Variants in GRXCR2 observed in about 807,000 individuals in gnomAD.
GRXCR2 encodes the protein glutaredoxin and cysteine rich domain containing 2.
GRXCR2 carries 23 observed loss-of-function variants against 24.8 expected under a neutral mutation model. That is an observed-to-expected ratio of 0.93 (90% CI 0.67 to 1.32). The LOEUF (loss-of-function observed/expected upper bound fraction) is 1.32. GRXCR2 is among the 40% of genes most tolerant of loss of function. The probability of loss-of-function intolerance (pLI) is 0.00; values close to 1 mark genes in which losing one functional copy is unlikely to be tolerated. For synonymous variants in GRXCR2, 130 were observed against 116.1 expected, an observed-to-expected ratio of 1.12 and a Z score of -0.77; for missense variants, 315 against 303.4, an observed-to-expected ratio of 1.04 and a Z score of -0.28.
chr5:145,918,449 T>C (rs1207866459), intron 2 of GRXCR2, among the ~76,000 whole-genome samples: 1 of 152,148 alleles, frequency 6.6e-6, no homozygotes, highest in Non-Finnish European at 1.5e-5. Context: ...TACTCTTTCC[T>C]CTTAAAAGTA....
intron 2 of GRXCR2, among the ~76,000 whole-genome samples, chr5:145,923,461 C>A (rs79956300): frequency 6.6e-6 from 1 of 152,102 alleles, no homozygotes; most frequent in Admixed American, 6.5e-5. Flanking sequence ...CATGGAGCTC[C>A]CAGCTTTGGA....
At chr5:145,909,530 C>G (rs906594592) in intron 2 of GRXCR2, among the ~76,000 whole-genome samples, 2 of 152,192 alleles carry the variant, frequency 1.3e-5, no homozygotes, top group Admixed American at 6.5e-5. Flanking sequence ...TCTATTGCCC[C>G]CCTCAGTGTA....
chr5:145,923,214 C>T lies in GRXCR2; in HGVS notation c.-70+12487G>A, dbSNP rs1021301412. ...TTCCAGGTACACTGATATGGTGGTC[C>T]GGGACTACACTTGAGAACTGTCTAC... On this transcript the variant is annotated intron_variant, in intron 2 of 3. Coordinates refer to the GRXCR2 transcript ENST00000639411. 3.9e-5 allele frequency among the ~76,000 whole-genome samples: 6 copies of T among 152,018 alleles called. No individual in the cohort carries two copies. The South Asian group carries it at 6.2e-4, about 16-fold the overall frequency.
At chr5:145,869,847 G>A (rs182504145) in intron 1 of GRXCR2, among the ~76,000 whole-genome samples, 51 of 152,166 alleles carry the variant, frequency 3.4e-4, no homozygotes, top group South Asian at 1.2e-3. Context: ...GTGGGCCACC[G>A]TGCCTGGCCT....
intron 1 of GRXCR2, among the ~76,000 whole-genome samples, chr5:145,869,098 C>A (rs538530424): frequency 4.6e-5 from 7 of 152,208 alleles, no homozygotes; most frequent in Non-Finnish European, 1.0e-4. Context: ...AATCTTTCCA[C>A]TGCTCTGTTT....
intron 2 of GRXCR2, among the ~76,000 whole-genome samples, chr5:145,899,965 A>T (rs1757002303): frequency 6.6e-6 from 1 of 152,196 alleles, no homozygotes; most frequent in African/African-American, 2.4e-5. Flanking sequence ...TAGAGTAAAC[A>T]GACAGCCCCA....
intron 2 of GRXCR2, among the ~76,000 whole-genome samples, chr5:145,892,124 C>G (rs1297325874): frequency 6.6e-6 from 1 of 152,046 alleles, no homozygotes; most frequent in Non-Finnish European, 1.5e-5. Flanking sequence ...ACACCAAAAC[C>G]CCATCTGTAC....
chr5:145,901,884 C>T (rs930815448), intron 2 of GRXCR2, among the ~76,000 whole-genome samples: 3 of 152,098 alleles, frequency 2.0e-5, no homozygotes, highest in African/African-American at 4.8e-5. Flanking sequence ...GCTGCAGAAA[C>T]GACAGTGTCT....
chr5:145,923,899 A>C (rs1245892770), intron 2 of GRXCR2, among the ~76,000 whole-genome samples: 3 of 152,136 alleles, frequency 2.0e-5, no homozygotes, highest in Non-Finnish European at 4.4e-5. Context: ...ACAACAAAAC[A>C]GTGAATGTCC....
At chr5:145,928,056 G>C (rs1369494169) in intron 2 of GRXCR2, among the ~76,000 whole-genome samples, 6 of 151,798 alleles carry the variant, frequency 4.0e-5, no homozygotes, top group Non-Finnish European at 8.8e-5. Flanking sequence ...AAATTTACAA[G>C]AAAAAAACAA....
intron 2 of GRXCR2, among the ~76,000 whole-genome samples, chr5:145,892,425 G>A (rs889183270): frequency 6.6e-6 from 1 of 152,166 alleles, no homozygotes; most frequent in Admixed American, 6.5e-5. Context: ...AACCAATGCA[G>A]AGAAGTCCTT....
At chr5:145,885,362 T>A (rs1397046658) in intron 2 of GRXCR2, among the ~76,000 whole-genome samples, 3 of 152,180 alleles carry the variant, frequency 2.0e-5, no homozygotes, top group African/African-American at 7.2e-5. Flanking sequence ...ACCACCACTT[T>A]TTTTTTCTCC....
At chr5:145,878,804 C>G (rs1200418819) in intron 2 of GRXCR2, among the ~76,000 whole-genome samples, 1 of 152,188 alleles carries the variant, frequency 6.6e-6, no homozygotes, top group East Asian at 1.9e-4. Flanking sequence ...ACAGAAAGGT[C>G]AGGTTACCCA....
chr5:145,869,925 A>G (rs1474252047), intron 1 of GRXCR2, among the ~76,000 whole-genome samples: 1 of 152,060 alleles, frequency 6.6e-6, no homozygotes, highest in Admixed American at 6.6e-5. Flanking sequence ...GATTACCCTC[A>G]TATCACAATG....
At chr5:145,917,651 C>T (rs1757260361) in intron 2 of GRXCR2, among the ~76,000 whole-genome samples, 1 of 152,126 alleles carries the variant, frequency 6.6e-6, no homozygotes. Flanking sequence ...TCAAGATTGT[C>T]CCACTGACAG....
At chr5:145,885,480 A>G (rs1389822193) in intron 2 of GRXCR2, among the ~76,000 whole-genome samples, 1 of 152,178 alleles carries the variant, frequency 6.6e-6, no homozygotes, top group African/African-American at 2.4e-5. Flanking sequence ...TGAGGAGTCC[A>G]GCCCATCTAA....
At chr5:145,860,466 G>T (rs190407945) in intron 2 of GRXCR2, among the ~76,000 whole-genome samples, 1 of 152,190 alleles carries the variant, frequency 6.6e-6, no homozygotes, top group Non-Finnish European at 1.5e-5. Flanking sequence ...TCATCTCAGC[G>T]ATTTGAGCAC....
intron 1 of GRXCR2, among the ~76,000 whole-genome samples, chr5:145,870,149 A>C (rs558699626): frequency 6.9e-4 from 105 of 152,290 alleles, no homozygotes; most frequent in African/African-American, 2.5e-3. Context: ...CATTCACATT[A>C]CTGTGCAGCC....
chr5:145,928,000 T>G (rs1193639004), intron 2 of GRXCR2, among the ~76,000 whole-genome samples: 1 of 151,854 alleles, frequency 6.6e-6, no homozygotes, highest in Non-Finnish European at 1.5e-5. Context: ...TGCAATCTAC[T>G]CATCTGACAA....
Sources: gnomAD v4.1 joint callset for allele counts (sites outside exome capture counted in the v4.1 genomes callset) on GRCh38, gnomAD v4.1.1 for gene constraint, MANE v1.5 for transcripts, NCBI Gene and HGNC (gene_info 2026-07-23, HGNC 2026-07-21) for gene names.